ZCWPW2: variants seen among roughly 807,000 people sequenced by gnomAD.
ZCWPW2 encodes the protein zinc finger CW-type and PWWP domain containing 2.
In ZCWPW2, 45 loss-of-function variants were observed where a neutral mutation model predicts 46.6. The ratio of observed to expected loss-of-function variants is 0.96; its 90% confidence interval spans 0.76 to 1.24. The LOEUF is 1.24. Among genes scored for constraint, ZCWPW2 ranks in the 50% most tolerant of loss-of-function variants. The pLI is 0.00. For missense variants in ZCWPW2, 429 were observed against 403.9 expected (o/e 1.06, Z -0.53); for synonymous variants, 152 against 137.1 (o/e 1.11, Z -0.76).
At chr3:28,453,383 A>G (rs968181634) in intron 4 of ZCWPW2, among the ~76,000 whole-genome samples, 1 of 152,224 alleles carries the variant, frequency 6.6e-6, no homozygotes, top group African/African-American at 2.4e-5. Flanking sequence ...ACTAAATAAT[A>G]TGACCAACTT....
intron 6 of ZCWPW2, among the ~76,000 whole-genome samples, chr3:28,503,584 T>A (rs1700204699): frequency 6.6e-6 from 1 of 152,080 alleles, no homozygotes; most frequent in East Asian, 1.9e-4. Flanking sequence ...TTTTATAGAT[T>A]GTAGCAATTA....
At chr3:28,387,840 G>C (rs1695332611) in intron 1 of ZCWPW2, among the ~76,000 whole-genome samples, 2 of 152,180 alleles carry the variant, frequency 1.3e-5, no homozygotes. Context: ...ACCCAGAAGA[G>C]TGTGCAATAA....
intron 4 of ZCWPW2, among the ~76,000 whole-genome samples, chr3:28,446,763 C>A (rs571489293): frequency 6.6e-6 from 1 of 152,036 alleles, no homozygotes; most frequent in Admixed American, 6.6e-5. Flanking sequence ...AACTGTCAAA[C>A]CTTTAGCTAG....
intron 6 of ZCWPW2, among the ~76,000 whole-genome samples, chr3:28,509,197 T>C (rs966398580): frequency 1.3e-4 from 20 of 152,302 alleles, no homozygotes; most frequent in Middle Eastern, 6.8e-3. Context: ...TGAATAATAT[T>C]TCATTATATG....
intron 4 of ZCWPW2, among the ~76,000 whole-genome samples, chr3:28,452,467 T>G (rs999446423): frequency 6.6e-6 from 1 of 152,118 alleles, no homozygotes; most frequent in African/African-American, 2.4e-5. Flanking sequence ...GGCTAATTTT[T>G]GTAGTTTTAG....
chr3:28,356,152 C>G (rs1320191048), intron 1 of ZCWPW2, among the ~76,000 whole-genome samples: 1 of 152,114 alleles, frequency 6.6e-6, no homozygotes, highest in Non-Finnish European at 1.5e-5. Flanking sequence ...AACAAATTTA[C>G]AAGAAAAAAT....
intron 2 of ZCWPW2, among the ~76,000 whole-genome samples, chr3:28,408,624 C>T (rs974897737): frequency 2.6e-5 from 4 of 152,140 alleles, no homozygotes; most frequent in Non-Finnish European, 5.9e-5. Flanking sequence ...TGGCATCTCC[C>T]ACCTTTTCAG....
chr3:28,407,798 C>T (rs763903606), intron 2 of ZCWPW2, among the ~76,000 whole-genome samples: 15 of 152,136 alleles, frequency 9.9e-5, no homozygotes, highest in South Asian at 2.1e-4. Context: ...AAATATTGTA[C>T]TCAGCATAGC....
intron 4 of ZCWPW2, among the ~76,000 whole-genome samples, chr3:28,444,054 G>C (rs919962242): frequency 6.6e-6 from 1 of 152,050 alleles, no homozygotes; most frequent in Admixed American, 6.6e-5. Flanking sequence ...AACTCCCCAA[G>C]CTGCAACATT....
At chr3:28,504,977 T>TA (rs1343206473) in intron 6 of ZCWPW2, among the ~76,000 whole-genome samples, 1 of 152,160 alleles carries the variant, frequency 6.6e-6, no homozygotes, top group Non-Finnish European at 1.5e-5. Flanking sequence ...CAAAGACCGC[T>TA]AAAAAATAAA....
intron 4 of ZCWPW2, 100 bp downstream of exon 4, chr3:28,435,369 T>C: frequency 1.7e-6 from 2 of 1,162,818 alleles, no homozygotes; most frequent in Admixed American, 3.1e-5. Context: ...TGCTTTTAGA[T>C]TGATATAATG....
chr3:28,393,501 G>A (rs971151847), intron 2 of ZCWPW2, among the ~76,000 whole-genome samples: 4 of 151,982 alleles, frequency 2.6e-5, no homozygotes, highest in African/African-American at 7.2e-5. Context: ...GAAAATTACA[G>A]GTCAATATCC....
chr3:28,432,289 C>T (rs1292107419), intron 3 of ZCWPW2, among the ~76,000 whole-genome samples: 2 of 152,160 alleles, frequency 1.3e-5, no homozygotes, highest in Non-Finnish European at 2.9e-5. Flanking sequence ...TTCTGTGTCT[C>T]AGATCACTGA....
chr3:28,401,076 G>A (rs1226808819), intron 2 of ZCWPW2, among the ~76,000 whole-genome samples: 2 of 152,056 alleles, frequency 1.3e-5, no homozygotes, highest in Admixed American at 1.3e-4. Context: ...CTACTCGGGA[G>A]GCTGAGGCAG....
chr3:28,440,132 T>A (rs1697689098), intron 4 of ZCWPW2, among the ~76,000 whole-genome samples: 1 of 152,154 alleles, frequency 6.6e-6, no homozygotes, highest in Non-Finnish European at 1.5e-5. Flanking sequence ...ATCTCCTGTA[T>A]TCCATGCATA....
chr3:28,422,098 G>A (rs775140601), intron 3 of ZCWPW2, among the ~76,000 whole-genome samples: 31 of 152,096 alleles, frequency 2.0e-4, no homozygotes, highest in Non-Finnish European at 3.2e-4. Context: ...AAAGTATGGA[G>A]AGTTTCCGTA....
intron 4 of ZCWPW2, among the ~76,000 whole-genome samples, chr3:28,459,213 AC>A (rs1458661200): frequency 2.0e-5 from 3 of 152,072 alleles, no homozygotes; most frequent in African/African-American, 7.2e-5. Context: ...CACTAAAAAT[AC>A]AAAAAATTAG....
intron 2 of ZCWPW2, among the ~76,000 whole-genome samples, chr3:28,405,664 C>T (rs545108217): frequency 3.2e-4 from 48 of 151,996 alleles, no homozygotes; most frequent in Admixed American, 1.8e-3. Flanking sequence ...TTAGTAGAGA[C>T]GGCGTTTCAC....
chr3:28,369,899 T>A (rs1705254047), intron 1 of ZCWPW2, among the ~76,000 whole-genome samples: 1 of 152,180 alleles, frequency 6.6e-6, no homozygotes, highest in East Asian at 1.9e-4. Context: ...TGCAGTTTGA[T>A]CTCAGACTGC....
Sources: gnomAD v4.1 joint callset for allele counts (sites outside exome capture counted in the v4.1 genomes callset) on GRCh38, gnomAD v4.1.1 for gene constraint, MANE v1.5 for transcripts, NCBI Gene and HGNC (gene_info 2026-07-23, HGNC 2026-07-21) for gene names.